The following KATNIP variants were observed in gnomAD, a reference collection of about 807,000 sequenced individuals.
KATNIP encodes the protein katanin-interacting protein.
A neutral mutation model predicts 174.0 loss-of-function variants in KATNIP; 126 were observed. The ratio of observed to expected loss-of-function variants is 0.72; its 90% CI spans 0.63 to 0.84. The LOEUF (loss-of-function observed/expected upper bound fraction) is 0.84. Among genes scored for constraint, KATNIP ranks in the 40% least tolerant of loss-of-function variants. KATNIP has a pLI of 0.00. For synonymous variants in KATNIP, 810 were observed against 835.7 expected (o/e 0.97, Z 0.53); for missense variants, 1,958 against 2,109.7 (o/e 0.93, Z 1.41).
intron 17 of KATNIP, among the ~76,000 whole-genome samples, chr16:27,752,131 G>A (rs374812541): frequency 4.4e-4 from 67 of 150,920 alleles, no homozygotes; most frequent in African/African-American, 1.6e-3. Flanking sequence ...TTTTTTAACC[G>A]AAGTAAAGAA....
intron 5 of KATNIP, among the ~76,000 whole-genome samples, chr16:27,646,819 G>A (rs559459926): frequency 1.3e-5 from 2 of 152,266 alleles, no homozygotes; most frequent in African/African-American, 2.4e-5. Flanking sequence ...GGGAGCACTC[G>A]CCCTTGCTCC....
chr16:27,561,037 A>G lies in KATNIP; in HGVS notation c.7+10860A>G, dbSNP rs187296251. 2.0e-5 allele frequency among the ~76,000 whole-genome samples: 3 copies of G among 150,998 alleles called. 1 individual carries two copies. The highest frequency in any genetic ancestry group is 2.0e-4 in the Admixed American group (3 of 15,152). On this transcript the variant is annotated intron_variant, in intron 1 of 27. Coordinates refer to ENST00000261588, the MANE Select transcript of KATNIP (RefSeq NM_015202.5). ...TTTTTTTTCTTTTTTTTCAAGACAGAGTCTCGCTGTGTCACCCAGGCTGGA... is the reference window on the plus strand; with the variant it reads ...TTTTTTTTCTTTTTTTTCAAGACAGGGTCTCGCTGTGTCACCCAGGCTGGA...
chr16:27,580,388 T>C (rs1475882055), intron 2 of KATNIP, among the ~76,000 whole-genome samples: 5 of 152,190 alleles, frequency 3.3e-5, no homozygotes, highest in African/African-American at 1.2e-4. Context: ...TCTGGGATTA[T>C]AGGCGTGAGC....
chr16:27,729,409 C>T (rs920991778), intron 14 of KATNIP, among the ~76,000 whole-genome samples: 1 of 152,192 alleles, frequency 6.6e-6, no homozygotes, highest in Non-Finnish European at 1.5e-5. Flanking sequence ...CCCACATTAT[C>T]CACATGAGGT....
intron 5 of KATNIP, among the ~76,000 whole-genome samples, chr16:27,634,695 C>T (rs1380116472): frequency 2.0e-5 from 3 of 152,190 alleles, no homozygotes; most frequent in African/African-American, 7.2e-5. Flanking sequence ...AACATCTATC[C>T]CCCTCCTCTC....
At chr16:27,569,720 A>G (rs1174309228) in intron 1 of KATNIP, among the ~76,000 whole-genome samples, 1 of 152,174 alleles carries the variant, frequency 6.6e-6, no homozygotes, top group African/African-American at 2.4e-5. Flanking sequence ...TCTGGAGGAG[A>G]GAGAAAGGCT....
chr16:27,606,486 CACACACACACACAGACACACACACACAT>C (rs1439733990), intron 2 of KATNIP, among the ~76,000 whole-genome samples: 2 of 151,920 alleles, frequency 1.3e-5, no homozygotes. Flanking sequence ...CATACACACA[CACACACACACACAGACACACACACACAT>C]ACACACACAC....
At chr16:27,769,743 C>T (rs2082235483) in intron 20 of KATNIP, 118 bp from the exon 21 acceptor site, 11 of 1,231,702 alleles carry the variant, frequency 8.9e-6, no homozygotes, top group Non-Finnish European at 1.3e-5. Context: ...GGTCAGGTGG[C>T]TCTGCGAAAG....
chr16:27,713,942 C>T (rs1207373907), intron 13 of KATNIP, among the ~76,000 whole-genome samples: 3 of 147,690 alleles, frequency 2.0e-5, no homozygotes, highest in Non-Finnish European at 4.5e-5. Context: ...CTGGTGTTTC[C>T]CCATGGCCTG....
chr16:27,571,661 G>A (rs1304029560), intron 1 of KATNIP, among the ~76,000 whole-genome samples: 6 of 152,204 alleles, frequency 3.9e-5, no homozygotes, highest in Non-Finnish European at 8.8e-5. Context: ...GGCCCTGCAG[G>A]GCCCTGCTGG....
intron 13 of KATNIP, among the ~76,000 whole-genome samples, chr16:27,719,465 TGG>T (rs1433499526): frequency 1.3e-5 from 2 of 151,270 alleles, no homozygotes; most frequent in African/African-American, 4.9e-5. Context: ...CTCCACCTTC[TGG>T]GTTCAAGCGA....
chr16:27,675,764 A>G (rs766596693), intron 6 of KATNIP, among the ~76,000 whole-genome samples: 84 of 152,182 alleles, frequency 5.5e-4, no homozygotes, highest in Non-Finnish European at 7.6e-4. Flanking sequence ...CTCAAAAGTC[A>G]TGTGGGACTC....
At chr16:27,652,640 C>T (rs773323210) in intron 6 of KATNIP, among the ~76,000 whole-genome samples, 1 of 151,916 alleles carries the variant, frequency 6.6e-6, no homozygotes, top group Non-Finnish European at 1.5e-5. Flanking sequence ...TGGTGAAACC[C>T]CATCTCTACT....
intron 14 of KATNIP, among the ~76,000 whole-genome samples, chr16:27,725,207 T>G (rs2080395030): frequency 6.6e-6 from 1 of 152,196 alleles, no homozygotes; most frequent in African/African-American, 2.4e-5. Flanking sequence ...AATGCATGAA[T>G]GAATAACTGA....
At chr16:27,659,960 T>C (rs532205564) in intron 6 of KATNIP, 1 of 981,272 alleles carries the variant, frequency 1.0e-6, no homozygotes, top group South Asian at 4.7e-5. Flanking sequence ...CCACTACCTA[T>C]TGTACAACAC....
In KATNIP at chr16:27,779,264, G is replaced by T. The variant is rs929010130; in HGVS notation, c.*635G>T. 3 of 151,490 alleles carry T rather than the reference G, an allele frequency of 2.0e-5. No homozygotes were observed. Among genetic ancestry groups the T allele is most frequent in the Non-Finnish European group, 4.4e-5 (3 of 68,166 alleles). The allele number at this position is 151,490 out of a possible 1,614,324, so 9.4% of individuals were successfully genotyped here. On this transcript the variant is annotated 3_prime_UTR_variant, in exon 28 of 28. Transcript: ENST00000261588. The stretch of plus-strand genomic sequence containing the variant: ...TCTCATCGGGCCTGATAAGGGATTG[G>T]CCAAGGCTGTGTGCATCCTGCAGAG...
At chr16:27,638,331 A>G (rs1447986471) in intron 5 of KATNIP, among the ~76,000 whole-genome samples, 2 of 152,164 alleles carry the variant, frequency 1.3e-5, no homozygotes, top group East Asian at 1.9e-4. Flanking sequence ...CAGCTATACC[A>G]TTATTACCGT....
At chr16:27,720,646 A>T (rs1056053687) in intron 13 of KATNIP, among the ~76,000 whole-genome samples, 2 of 151,996 alleles carry the variant, frequency 1.3e-5, no homozygotes, top group African/African-American at 4.8e-5. Flanking sequence ...ATCGTGGGAC[A>T]CCGAGGTAGG....
chr16:27,586,828 CAA>C (rs561285567), intron 2 of KATNIP, among the ~76,000 whole-genome samples: 2 of 82,534 alleles, frequency 2.4e-5, no homozygotes, highest in Admixed American at 1.4e-4. Context: ...GACCCTGTCT[CAA>C]AAAAAAAAAA....
Sources: gnomAD v4.1 joint callset for allele counts (sites outside exome capture counted in the v4.1 genomes callset) on GRCh38, gnomAD v4.1.1 for gene constraint, MANE v1.5 for transcripts, NCBI Gene and HGNC (gene_info 2026-07-23, HGNC 2026-07-21) for gene names.